Variants in COL5A3 observed in about 807,000 individuals in gnomAD.
The protein encoded by COL5A3 is collagen alpha-3(V) chain.
In COL5A3, 172 loss-of-function variants were observed where a neutral mutation model predicts 250.0. That is an observed-to-expected ratio of 0.69 (90% CI 0.61 to 0.78). COL5A3 has a LOEUF of 0.78. COL5A3 is among the 30% of genes least tolerant of loss of function. COL5A3 has a pLI of 0.00. For missense variants in COL5A3, 2,340 were observed against 2,334.4 expected (o/e 1.00, Z -0.05); for synonymous variants, 937 against 900.4 (o/e 1.04, Z -0.73).
chr19:9,995,271 T>A lies in COL5A3; in HGVS notation c.1587+293A>T, dbSNP rs147147892. Among the ~76,000 whole-genome samples, 27 of 152,342 alleles carry A rather than the reference T, an allele frequency of 1.8e-4. No individual in the cohort carries two copies. In the East Asian group the frequency reaches 4.6e-3, roughly 26 times the overall value. On this transcript the variant is annotated intron_variant, in intron 16 of 66. Coordinates refer to ENST00000264828, the MANE Select transcript of COL5A3 (RefSeq NM_015719.4). Reference sequence around the variant, plus strand: ...ATCTGAAGTTGACTTGTTTGTCATTTCCTTCCATGTGACAGGCCTCTTTTT... The same window carrying A: ...ATCTGAAGTTGACTTGTTTGTCATTACCTTCCATGTGACAGGCCTCTTTTT...
At chr19:10,001,972 G>A in intron 6 of COL5A3, 91 bp from the exon 7 acceptor site, 1 of 868,328 alleles carries the variant, frequency 1.2e-6, no homozygotes, top group Non-Finnish European at 1.8e-6. Context: ...GGAGCTCCCA[G>A]TCCGGGGACA....
chr19:9,976,964 A>G (rs1373004213), intron 44 of COL5A3, among the ~76,000 whole-genome samples: 1 of 152,018 alleles, frequency 6.6e-6, no homozygotes, highest in African/African-American at 2.4e-5. Flanking sequence ...TGTCACTAAC[A>G]ATGGAGAAGG....
At chr19:9,963,875 A>G (rs1439839591) in intron 64 of COL5A3, among the ~76,000 whole-genome samples, 1 of 152,140 alleles carries the variant, frequency 6.6e-6, no homozygotes, top group Non-Finnish European at 1.5e-5. Flanking sequence ...CCAGTTAAAA[A>G]TAACAACATG....
At chr19:9,983,720 AAAAG>A (rs2087053902) in intron 31 of COL5A3, among the ~76,000 whole-genome samples, 1 of 151,228 alleles carries the variant, frequency 6.6e-6, no homozygotes, top group East Asian at 2.0e-4. Flanking sequence ...GAAGGAAAAG[AAAAG>A]AAAAAAGAGG....
In COL5A3 at chr19:9,991,114, C is replaced by T. The variant is rs573917441; in HGVS notation, c.1992+496G>A. On this transcript the variant is annotated intron_variant, in intron 24 of 66. Transcript: ENST00000264828. Reference sequence around the variant, plus strand: ...AAAATTAGCCAGGCACAGTGGCATGCGCTGATAGTCCCAGCTACTCGGGTG... The same window carrying T: ...AAAATTAGCCAGGCACAGTGGCATGTGCTGATAGTCCCAGCTACTCGGGTG... 2.2e-4 allele frequency among the ~76,000 whole-genome samples: 34 copies of T among 152,218 alleles called. 1 individual carries two copies. The highest frequency in any genetic ancestry group is 7.2e-4 in the African/African-American group (30 of 41,554).
In COL5A3 at chr19:9,982,129, A is replaced by G. The variant is rs751397014; in HGVS notation, c.2407-11T>C. Reference sequence around the variant, plus strand: ...AAATCCAATAGATCCCTGAGTGGAGAGAATTAGAAAGAAGACATGAGGGTG... The same window carrying G: ...AAATCCAATAGATCCCTGAGTGGAGGGAATTAGAAAGAAGACATGAGGGTG... On this transcript the variant is annotated splice_polypyrimidine_tract_variant and intron_variant, in intron 31 of 66. Coordinates refer to ENST00000264828, the MANE Select transcript of COL5A3 (RefSeq NM_015719.4). The G allele has an allele frequency of 6.3e-7, 1 of 1,582,276 alleles. No homozygotes were observed. Among genetic ancestry groups the G allele is most frequent in the Non-Finnish European group, 8.6e-7 (1 of 1,162,506 alleles).
chr19:9,997,200 T>G, intron 11 of COL5A3, 171 bp downstream of exon 11: 1 of 652,934 alleles, frequency 1.5e-6, no homozygotes, highest in Non-Finnish European at 2.8e-6. Flanking sequence ...CAACACAAGG[T>G]GAACCAGAGA....
At position 10,009,771 on chromosome 19, in the gene COL5A3, T is replaced by C. The variant is rs1230071309; in HGVS notation, c.88+527A>G. Among the ~76,000 whole-genome samples, 2 of 151,810 alleles carry C rather than the reference T, an allele frequency of 1.3e-5. No homozygotes were observed. The highest frequency in any genetic ancestry group is 2.9e-5 in the Non-Finnish European group (2 of 67,944). On this transcript the variant is annotated intron_variant, in intron 1 of 66. Transcript: ENST00000264828. The surrounding 1 kb of genome is among the most constrained non-coding windows in gnomAD (Gnocchi z 4.4). ...CAATACTTGTCCCCACCCACCTTCA[T>C]CCTCATGGGCAATTATTTGCACCCA... is the stretch of plus-strand genomic sequence containing the variant.
At position 9,973,148 on chromosome 19, in the gene COL5A3, C is replaced by T. The variant is rs2086876693; in HGVS notation, c.3667-122G>A. 5 of 829,516 alleles carry T rather than the reference C, an allele frequency of 6.0e-6. No homozygotes were observed. The South Asian group carries it at 9.7e-5, about 16-fold the overall frequency. The allele number at this position is 829,516 out of a possible 1,614,324, so 51.4% of individuals were successfully genotyped here. On this transcript the variant is annotated intron_variant, in intron 50 of 66. Transcript: ENST00000264828. Reference sequence around the variant, plus strand: ...TTCTGGGGTCAGGGTTCAGAGTAGCCTAGGTTGTCCAAGGGTCAAAGGTCA... The same window carrying T: ...TTCTGGGGTCAGGGTTCAGAGTAGCTTAGGTTGTCCAAGGGTCAAAGGTCA...
In COL5A3 at chr19:9,995,575, C is replaced by T. The variant is rs201822045; in HGVS notation, c.1576G>A (p.Val526Met). The T allele has an allele frequency of 1.4e-4, 219 of 1,608,146 alleles. No individual in the cohort carries two copies. The highest frequency in any genetic ancestry group is 1.7e-4 in the Non-Finnish European group (203 of 1,176,708). ...LQGPHGPPGR[V>M]GKMGRPGADG... is the part of the protein sequence containing the mutation. ...TAGCTGTCACTCACCATCTTGCCCA[C>T]TCGGCCAGGGGGTCCATGAGGTCCC... Residue 526 changes from valine (V) to methionine (M), a missense_variant, in exon 16 of 67, where the codon GTG becomes ATG. Physicochemically the swap from Val to Met is conservative, Grantham distance 21. Coordinates refer to ENST00000264828, the MANE Select transcript of COL5A3 (RefSeq NM_015719.4).
chr19:9,973,719 T>G (rs767616440), intron 49 of COL5A3, 37 bp downstream of exon 49: 2 of 1,613,708 alleles, frequency 1.2e-6, no homozygotes, highest in South Asian at 1.1e-5. Flanking sequence ...TAGATTTATC[T>G]CTTCCCCCCG....
At chr19:9,965,922 C>T (rs540719996) in intron 64 of COL5A3, among the ~76,000 whole-genome samples, 1 of 152,190 alleles carries the variant, frequency 6.6e-6, no homozygotes, top group Non-Finnish European at 1.5e-5. Flanking sequence ...TAACCTCTGC[C>T]TCTAGGGCTC....
In COL5A3 at chr19:9,964,476, C is replaced by G. The variant is rs531135879; in HGVS notation, c.4783-1589G>C. Among the ~76,000 whole-genome samples, 44 of 152,074 alleles carry G rather than the reference C, an allele frequency of 2.9e-4. No individual in the cohort carries two copies. The South Asian group carries it at 9.2e-3, about 32-fold the overall frequency. On this transcript the variant is annotated intron_variant, in intron 64 of 66. Coordinates refer to ENST00000264828, the MANE Select transcript of COL5A3 (RefSeq NM_015719.4). ...AATTAGCCAGGCATGGTGATGCACA[C>G]CTGTGTGATGCACAGCTACTCAAGA...
chr19:9,979,455 G>A (rs2145091707), intron 37 of COL5A3, 38 bp from the exon 38 acceptor site: 1 of 1,608,686 alleles, frequency 6.2e-7, no homozygotes, highest in Non-Finnish European at 8.5e-7. Flanking sequence ...GGTGTTACAT[G>A]GGGAAGGGAT....
At chr19:9,974,983 T>G (rs1397264370) in intron 45 of COL5A3, among the ~76,000 whole-genome samples, 3 of 152,046 alleles carry the variant, frequency 2.0e-5, no homozygotes, top group Non-Finnish European at 4.4e-5. Flanking sequence ...CTGCAACCTC[T>G]GCCTCCCTGG....
rs1175388127 is a variant in COL5A3, at chr19:9,979,324, C to T, written c.2766+40G>A. ...CAGCTTTCCCCTAAATATCCCCCAA[C>T]TGGTACAAAACAAGGGAGGTTTATG... On this transcript the variant is annotated intron_variant, in intron 38 of 66. Transcript: ENST00000264828. 8.7e-6 allele frequency: 14 copies of T among 1,612,742 alleles called. No homozygotes were observed. In the African/African-American group the frequency reaches 1.7e-4, roughly 20 times the overall value.
rs546760577 is a variant in COL5A3, at chr19:10,000,806, A to T, written c.1110+718T>A. On this transcript the variant is annotated intron_variant, in intron 8 of 66. Coordinates refer to ENST00000264828, the MANE Select transcript of COL5A3 (RefSeq NM_015719.4). ...TAGAAATCCCTTCTAAGACCTCAAGATGTGAGAAAAGTAAGTAAATAAAAT... is the reference window on the plus strand; with the variant it reads ...TAGAAATCCCTTCTAAGACCTCAAGTTGTGAGAAAAGTAAGTAAATAAAAT... Among the ~76,000 whole-genome samples the T allele has an allele frequency of 7.2e-5, 11 of 152,164 alleles. No homozygotes were observed. In the South Asian group the frequency reaches 2.1e-3, roughly 29 times the overall value.
rs533413198 is a variant in COL5A3, at chr19:9,960,639, C to T, written c.5091+12G>A. 2.5e-5 allele frequency: 40 copies of T among 1,613,752 alleles called. No individual in the cohort carries two copies. The highest frequency in any genetic ancestry group is 3.4e-5 in the Non-Finnish European group (40 of 1,179,964). ...CTCCCCTCTCTAGCTGGCCACTGCC[C>T]CACCCTCTTACCCGGCAGCCATCCT... On this transcript the variant is annotated intron_variant, in intron 66 of 66. Coordinates refer to ENST00000264828, the MANE Select transcript of COL5A3 (RefSeq NM_015719.4).
At chr19:9,991,717 G>A in intron 23 of COL5A3, 63 bp from the exon 24 acceptor site, 3 of 1,602,926 alleles carry the variant, frequency 1.9e-6, no homozygotes, top group Non-Finnish European at 2.6e-6. Flanking sequence ...TGGAGGTTGG[G>A]AAGCCTGGTC....
Sources: gnomAD v4.1 joint callset for allele counts (sites outside exome capture counted in the v4.1 genomes callset) on GRCh38, gnomAD v4.1.1 for gene constraint, Gnocchi (gnomAD v3.1) non-coding constraint, MANE v1.5 for transcripts, NCBI Gene and HGNC (gene_info 2026-07-23, HGNC 2026-07-21) for gene names.